CNTNAP4: variants seen among roughly 807,000 people sequenced by gnomAD.
The protein encoded by CNTNAP4 is contactin-associated protein-like 4.
In CNTNAP4, 98 loss-of-function variants were observed where a neutral mutation model predicts 148.4. The observed-to-expected ratio is 0.66, with a 90% CI of 0.56 to 0.78. The LOEUF is 0.78. CNTNAP4 is among the 30% of genes least tolerant of loss of function. CNTNAP4 has a pLI of 0.00. For missense variants in CNTNAP4, 1,935 were observed against 1,565.6 expected (o/e 1.24, Z -3.98); for synonymous variants, 730 against 565.1 (o/e 1.29, Z -4.14).
chr16:76,515,938 A>G (rs956696993), intron 15 of CNTNAP4, among the ~76,000 whole-genome samples: 7 of 152,104 alleles, frequency 4.6e-5, no homozygotes, highest in African/African-American at 1.4e-4. Flanking sequence ...TTAATTTTCT[A>G]TTTTACTTTA....
At chr16:76,530,174 G>T (rs775815275) in intron 17 of CNTNAP4, among the ~76,000 whole-genome samples, 9 of 151,902 alleles carry the variant, frequency 5.9e-5, no homozygotes, top group Middle Eastern at 3.4e-3. Context: ...GTCTTTGAAT[G>T]GACACAAGTT....
intron 15 of CNTNAP4, among the ~76,000 whole-genome samples, chr16:76,503,379 C>T (rs2082724377): frequency 6.6e-6 from 1 of 152,084 alleles, no homozygotes; most frequent in African/African-American, 2.4e-5. Flanking sequence ...ACTGCAATTA[C>T]TTTTGCACCA....
At chr16:76,336,236 CTG>C (rs530656066) in intron 2 of CNTNAP4, among the ~76,000 whole-genome samples, 317 of 152,270 alleles carry the variant, frequency 2.1e-3, no homozygotes, top group Middle Eastern at 6.8e-3. Flanking sequence ...GAGGCTGTAA[CTG>C]AGAAATTCAT....
chr16:76,424,689 G>A (rs1017513413), intron 3 of CNTNAP4, among the ~76,000 whole-genome samples: 3 of 152,020 alleles, frequency 2.0e-5, no homozygotes, highest in African/African-American at 2.4e-5. Flanking sequence ...AGCCCGGGAG[G>A]TGGAGGTTGC....
At chr16:76,532,670 A>C (rs2084036883) in intron 17 of CNTNAP4, among the ~76,000 whole-genome samples, 1 of 152,198 alleles carries the variant, frequency 6.6e-6, no homozygotes, top group East Asian at 1.9e-4. Context: ...TTCAGAGTTC[A>C]CAGAATGTGG....
rs558326293 is a variant in CNTNAP4, at chr16:76,408,607, T to A, written c.391-18845T>A. On this transcript the variant is annotated intron_variant, in intron 3 of 23. Coordinates refer to ENST00000611870, the MANE Select transcript of CNTNAP4 (RefSeq NM_033401.5). ...TCCTAGCTTTATATCCTTAAATATT[T>A]GTGTGCAAATTCCTGAAATTTAAGA... 8.7e-4 allele frequency among the ~76,000 whole-genome samples: 133 copies of A among 152,168 alleles called. 1 individual carries two copies. Among genetic ancestry groups the A allele is most frequent in the African/African-American group, 3.2e-3 (132 of 41,538 alleles).
At chr16:76,278,197 A>G (rs1031334334) in intron 1 of CNTNAP4, among the ~76,000 whole-genome samples, 3 of 152,238 alleles carry the variant, frequency 2.0e-5, no homozygotes, top group African/African-American at 7.2e-5. Flanking sequence ...GCAGACCAGT[A>G]GCTGCCTGCA....
At chr16:76,298,541 C>T (rs1015339918) in intron 1 of CNTNAP4, among the ~76,000 whole-genome samples, 2 of 139,032 alleles carry the variant, frequency 1.4e-5, no homozygotes, top group African/African-American at 5.5e-5. Context: ...AGGTAAGGGG[C>T]TGTGCTGAGA....
At chr16:76,489,571 G>C in intron 12 of CNTNAP4, 115 bp from the exon 13 acceptor site, 1 of 523,146 alleles carries the variant, frequency 1.9e-6, no homozygotes, top group Non-Finnish European at 3.2e-6. Context: ...AGGGAAGTTT[G>C]ATGACTAGAA....
At chr16:76,548,304 T>A (rs1360810014) in intron 21 of CNTNAP4, among the ~76,000 whole-genome samples, 8 of 148,990 alleles carry the variant, frequency 5.4e-5, no homozygotes, top group Non-Finnish European at 8.9e-5. Flanking sequence ...CCTTTTTTTT[T>A]TTTTTTTTTT....
At chr16:76,395,177 C>T (rs2078154338) in intron 3 of CNTNAP4, among the ~76,000 whole-genome samples, 1 of 152,106 alleles carries the variant, frequency 6.6e-6, no homozygotes, top group African/African-American at 2.4e-5. Flanking sequence ...CCTTTTGAAG[C>T]TGCTTAAATC....
chr16:76,538,971 C>G (rs184312162), intron 19 of CNTNAP4, among the ~76,000 whole-genome samples: 2 of 152,096 alleles, frequency 1.3e-5, no homozygotes, highest in Admixed American at 6.5e-5. Context: ...AGCAAACATA[C>G]AAACATGTGA....
intron 23 of CNTNAP4, among the ~76,000 whole-genome samples, chr16:76,556,830 C>T (rs184040198): frequency 1.0e-3 from 158 of 152,256 alleles, no homozygotes; most frequent in Non-Finnish European, 1.5e-3. Context: ...TAATCAGCAA[C>T]GATTTTCTAC....
intron 3 of CNTNAP4, among the ~76,000 whole-genome samples, chr16:76,385,736 C>T (rs1462709195): frequency 1.3e-5 from 2 of 152,026 alleles, no homozygotes; most frequent in East Asian, 1.9e-4. Context: ...CCTTGTTTTA[C>T]GTATGTTTCT....
intron 14 of CNTNAP4, among the ~76,000 whole-genome samples, chr16:76,498,181 A>G (rs971709364): frequency 2.0e-5 from 3 of 152,200 alleles, no homozygotes; most frequent in African/African-American, 4.8e-5. Flanking sequence ...ACTTGAGGCC[A>G]GGAGTTCAAG....
chr16:76,314,564 T>G (rs1961498181), intron 1 of CNTNAP4, among the ~76,000 whole-genome samples: 1 of 152,206 alleles, frequency 6.6e-6, no homozygotes, highest in Admixed American at 6.5e-5. Flanking sequence ...CAAGAATCAA[T>G]GAATATCTTT....
chr16:76,321,189 T>C (rs1962366657), intron 2 of CNTNAP4, among the ~76,000 whole-genome samples: 1 of 152,252 alleles, frequency 6.6e-6, no homozygotes, highest in Non-Finnish European at 1.5e-5. Context: ...CTATAGAATT[T>C]GATATTAAAA....
At position 76,448,227 on chromosome 16, in the gene CNTNAP4, C is replaced by T. The variant is rs375446963; in HGVS notation, c.742+12C>T. 43 of 1,560,116 alleles carry T rather than the reference C, an allele frequency of 2.8e-5. No individual in the cohort carries two copies. The highest frequency in any genetic ancestry group is 7.0e-5 in the Admixed American group (4 of 57,500). ...ACTTATTAATTCAGGTAAAACTATTCGGTGAAGTGCTCAAAAATCTGATTA... is the reference window on the plus strand; with the variant it reads ...ACTTATTAATTCAGGTAAAACTATTTGGTGAAGTGCTCAAAAATCTGATTA... On this transcript the variant is annotated intron_variant, in intron 5 of 23. Transcript: ENST00000611870.
chr16:76,360,604 T>C (rs1193113856), intron 3 of CNTNAP4, among the ~76,000 whole-genome samples: 2 of 152,238 alleles, frequency 1.3e-5, no homozygotes, highest in Admixed American at 1.3e-4. Flanking sequence ...CTTAATGCAC[T>C]GCAGTACTTG....
Sources: gnomAD v4.1 joint callset for allele counts (sites outside exome capture counted in the v4.1 genomes callset) on GRCh38, gnomAD v4.1.1 for gene constraint, MANE v1.5 for transcripts, NCBI Gene and HGNC (gene_info 2026-07-23, HGNC 2026-07-21) for gene names.